KCNQ2: variants seen among roughly 807,000 people sequenced by gnomAD.
KCNQ2 encodes the protein potassium voltage-gated channel subfamily Q member 2, also known as potassium voltage-gated channel subfamily KQT member 2.
A neutral mutation model predicts 84.8 loss-of-function variants in KCNQ2; 14 were observed. The observed-to-expected ratio is 0.17, with a 90% confidence interval of 0.11 to 0.26. The LOEUF (loss-of-function observed/expected upper bound fraction) is 0.26, where lower values mean the gene tolerates loss of function less well. Among genes scored for constraint, KCNQ2 ranks in the 10% least tolerant of loss-of-function variants. KCNQ2 has a pLI of 1.00. For synonymous variants in KCNQ2, 599 were observed against 554.1 expected, an observed-to-expected ratio of 1.08 and a Z score of -1.14; for missense variants, 788 against 1,254.0, an observed-to-expected ratio of 0.63 and a Z score of 5.61.
chr20:63,454,059 C>G (rs1004349304), intron 1 of KCNQ2, among the ~76,000 whole-genome samples: 1 of 152,198 alleles, frequency 6.6e-6, no homozygotes. Flanking sequence ...CAGAGCATTC[C>G]AGAAACCCTG....
intron 5 of KCNQ2, among the ~76,000 whole-genome samples, chr20:63,440,754 G>A (rs1315491350): frequency 6.6e-6 from 1 of 152,140 alleles, no homozygotes; most frequent in African/African-American, 2.4e-5. Flanking sequence ...ACACCGACAG[G>A]AAGCTGTGGC....
intron 8 of KCNQ2, among the ~76,000 whole-genome samples, chr20:63,432,133 G>C (rs1446808830): frequency 2.0e-5 from 3 of 147,452 alleles, no homozygotes; most frequent in African/African-American, 5.1e-5. Context: ...CTCAGGGAAG[G>C]ATCCACCCAC....
intron 1 of KCNQ2, among the ~76,000 whole-genome samples, chr20:63,457,341 G>A (rs375767229): frequency 3.3e-4 from 50 of 152,234 alleles, no homozygotes; most frequent in African/African-American, 1.2e-3. Flanking sequence ...GGGCAGGGAC[G>A]GGAGGTGACC....
chr20:63,400,721 C>T lies in KCNQ2; in HGVS notation c.*5923G>A, dbSNP rs997118657. ...GTGGGGCGCGGGCATGGCGGGCACA[C>T]GTGGGCCGTGTGGATCCCGGGCAGA... On this transcript the variant is annotated 3_prime_UTR_variant, in exon 17 of 17. Coordinates refer to ENST00000359125, the MANE Select transcript of KCNQ2 (RefSeq NM_172107.4). The surrounding 1 kb of genome is among the most constrained non-coding windows in gnomAD (Gnocchi z 8.7). The T allele has an allele frequency of 6.3e-5, 25 of 398,584 alleles. No homozygotes were observed. Among genetic ancestry groups the T allele is most frequent in the South Asian group, 1.3e-4 (1 of 7,864 alleles). 24.7% of individuals were successfully genotyped at this position (398,584 alleles called of 1,614,324 possible).
chr20:63,457,021 C>A (rs1196405378), intron 1 of KCNQ2, among the ~76,000 whole-genome samples: 1 of 152,248 alleles, frequency 6.6e-6, no homozygotes, highest in Non-Finnish European at 1.5e-5. Flanking sequence ...CACGCTGCAA[C>A]CTGGAATCTA....
chr20:63,430,804 CCT>C (rs2080766464), intron 9 of KCNQ2, among the ~76,000 whole-genome samples: 1 of 152,216 alleles, frequency 6.6e-6, no homozygotes, highest in Non-Finnish European at 1.5e-5. Context: ...GAGGCAGACC[CCT>C]GAGGCTAGCT....
intron 1 of KCNQ2, among the ~76,000 whole-genome samples, chr20:63,463,452 G>A (rs182932215): frequency 1.3e-5 from 2 of 152,148 alleles, no homozygotes; most frequent in East Asian, 3.9e-4. Context: ...CCAGGGCTCA[G>A]CCTCCATGAC....
At chr20:63,442,794 T>TCAC (rs1568934528) in intron 4 of KCNQ2, among the ~76,000 whole-genome samples, 1 of 30,972 alleles carries the variant, frequency 3.2e-5, no homozygotes, top group African/African-American at 1.3e-4. Context: ...ACCATCACCA[T>TCAC]TACCACCACC....
At chr20:63,409,543 G>C (rs2080049834) in intron 15 of KCNQ2, among the ~76,000 whole-genome samples, 1 of 152,226 alleles carries the variant, frequency 6.6e-6, no homozygotes, top group Non-Finnish European at 1.5e-5. Context: ...TGGAAACAAA[G>C]ACCCTGCAGT....
At chr20:63,433,600 G>A (rs2080894682) in intron 8 of KCNQ2, 4 of 905,070 alleles carry the variant, frequency 4.4e-6, no homozygotes, top group Non-Finnish European at 5.0e-6. Flanking sequence ...AAGGGGTGAG[G>A]AAATGAAAGT....
intron 12 of KCNQ2, among the ~76,000 whole-genome samples, chr20:63,418,141 C>T (rs1381536107): frequency 6.6e-6 from 1 of 152,232 alleles, no homozygotes; most frequent in Non-Finnish European, 1.5e-5. Flanking sequence ...CCTGCCTCAG[C>T]TGCCAGGAGC....
chr20:63,427,514 G>T (rs929462834), intron 10 of KCNQ2, among the ~76,000 whole-genome samples: 1 of 152,232 alleles, frequency 6.6e-6, no homozygotes, highest in Admixed American at 6.5e-5. Flanking sequence ...AGTCCTAGAC[G>T]CCAGAGTCCA....
At chr20:63,411,951 G>C (rs2080132701) in intron 15 of KCNQ2, 2 of 691,878 alleles carry the variant, frequency 2.9e-6, no homozygotes, top group Admixed American at 4.4e-5. Flanking sequence ...TGAGGAGCTG[G>C]CCAGGAACTG....
intron 1 of KCNQ2, among the ~76,000 whole-genome samples, chr20:63,468,713 G>A (rs914465): frequency 0.27 from 41,605 of 152,262 alleles, 6,429 homozygotes; most frequent in East Asian, 0.59. Flanking sequence ...GCAAAAGCCA[G>A]GATGGCACAG....
intron 4 of KCNQ2, among the ~76,000 whole-genome samples, chr20:63,443,063 T>C (rs555117976): frequency 0.01 from 349 of 33,698 alleles, 8 homozygotes; most frequent in African/African-American, 0.031. Context: ...AGCATCACCA[T>C]CACCATTATC....
rs1429755785 is a variant in KCNQ2, at chr20:63,461,712, C to G, written c.296+10456G>C. On this transcript the variant is annotated intron_variant, in intron 1 of 16. Transcript: ENST00000359125. ...GGCAGCAGGGAGGAGGAGGCTGTAC[C>G]TACCCCGGGCAGCAGGCAGGAGGCT... 3.3e-5 allele frequency among the ~76,000 whole-genome samples: 5 copies of G among 151,162 alleles called. No individual in the cohort carries two copies. The East Asian group carries it at 9.7e-4, about 29-fold the overall frequency.
At chr20:63,461,464 C>G (rs960179721) in intron 1 of KCNQ2, among the ~76,000 whole-genome samples, 1 of 152,220 alleles carries the variant, frequency 6.6e-6, no homozygotes, top group Non-Finnish European at 1.5e-5. Flanking sequence ...GAGCCAAGCC[C>G]CTGACTCTAT....
In KCNQ2 at chr20:63,414,970, G is replaced by A. The variant is rs141951341; in HGVS notation, c.1458C>T (p.Phe486=). 1,096 of 1,612,130 alleles carry A rather than the reference G, an allele frequency of 6.8e-4. 20 individuals are homozygous for A. In the South Asian group the frequency reaches 0.01, roughly 15 times the overall value. The change falls in exon 13 of 17, where the codon TTC becomes TTT. Residue 486 remains phenylalanine (F), a synonymous_variant. Coordinates refer to ENST00000359125, the MANE Select transcript of KCNQ2 (RefSeq NM_172107.4). This position sits in a 1 kb window ranked among gnomAD's most constrained non-coding sequence, Gnocchi z 6.6. ...CCTGGCGTGCCCGGCTGCGGTCCCC[G>A]AAGCTCCAGCTCTTGGGCACCTTGC... is the stretch of plus-strand genomic sequence containing the variant. ...SPSKVPKSWS[F]GDRSRARQAF...
In KCNQ2 at chr20:63,435,396, C is replaced by CA. The variant is rs34121251; in HGVS notation, c.1024-1494dup. Among the ~76,000 whole-genome samples, 288 of 146,620 alleles carry CA rather than the reference C, an allele frequency of 2.0e-3. 2 individuals are homozygous for CA. Among genetic ancestry groups the CA allele is most frequent in the African/African-American group, 6.2e-3 (246 of 39,576 alleles). On this transcript the variant is annotated intron_variant, in intron 7 of 16. Coordinates refer to ENST00000359125, the MANE Select transcript of KCNQ2 (RefSeq NM_172107.4). The stretch of plus-strand genomic sequence containing the variant: ...GAGCAAGTCCCTATCTCAACAACAA[C>CA]AAAAAAAAAAAGTTGGCCATCCTAA...
Sources: allele counts gnomAD v4.1 joint callset (sites outside exome capture counted in the v4.1 genomes callset), GRCh38; gene constraint gnomAD v4.1.1; non-coding constraint Gnocchi (gnomAD v3.1); transcripts MANE v1.5; gene names NCBI Gene and HGNC (gene_info 2026-07-23, HGNC 2026-07-21).